ROBO2: variants seen among roughly 807,000 people sequenced by gnomAD.
The protein encoded by ROBO2 is roundabout guidance receptor 2.
In ROBO2, 53 loss-of-function variants were observed where a neutral mutation model predicts 160.8. The observed-to-expected ratio is 0.33, with a 90% CI of 0.26 to 0.41. The LOEUF is 0.41. ROBO2 is among the 10% of genes least tolerant of loss of function. The probability of loss-of-function intolerance (pLI) is 1.00; values close to 1 mark genes in which losing one functional copy is unlikely to be tolerated. For missense variants in ROBO2, 1,577 were observed against 1,722.4 expected (o/e 0.92, Z 1.49); for synonymous variants, 664 against 611.7 (o/e 1.09, Z -1.26).
intron 2 of ROBO2, among the ~76,000 whole-genome samples, chr3:76,481,814 G>T (rs1208433362): frequency 6.6e-6 from 1 of 152,096 alleles, no homozygotes; most frequent in Middle Eastern, 3.2e-3. Context: ...TGACTGGAGG[G>T]TTCAGGGGAA....
intron 2 of ROBO2, among the ~76,000 whole-genome samples, chr3:76,962,924 A>G (rs1259248396): frequency 2.6e-5 from 4 of 152,204 alleles, no homozygotes; most frequent in Admixed American, 6.6e-5. Context: ...AGTCTCCTCA[A>G]CAACGGTGTC....
intron 2 of ROBO2, among the ~76,000 whole-genome samples, chr3:76,375,153 CTG>C (rs936646575): frequency 6.2e-4 from 94 of 151,998 alleles, no homozygotes; most frequent in African/African-American, 2.0e-3. Flanking sequence ...TTCAGTAAAA[CTG>C]TGAGACTGAA....
chr3:77,360,464 A>G (rs1307177146), intron 2 of ROBO2, among the ~76,000 whole-genome samples: 1 of 152,194 alleles, frequency 6.6e-6, no homozygotes, highest in Non-Finnish European at 1.5e-5. Context: ...TTTGTCAGTC[A>G]GTATCTATTA....
intron 2 of ROBO2, among the ~76,000 whole-genome samples, chr3:76,025,299 G>A (rs981854940): frequency 1.3e-5 from 2 of 151,638 alleles, no homozygotes; most frequent in Non-Finnish European, 3.0e-5. Flanking sequence ...TTGGGAATTA[G>A]AGGGTGTTAC....
intron 2 of ROBO2, among the ~76,000 whole-genome samples, chr3:76,531,286 A>C (rs956633314): frequency 2.0e-5 from 3 of 152,170 alleles, no homozygotes; most frequent in African/African-American, 7.2e-5. Context: ...CATAGTATAG[A>C]TATTTTAGCA....
At chr3:77,415,732 G>A (rs1213839250) in intron 2 of ROBO2, among the ~76,000 whole-genome samples, 1 of 152,124 alleles carries the variant, frequency 6.6e-6, no homozygotes, top group Admixed American at 6.5e-5. Flanking sequence ...GGAACCCAGT[G>A]GCATCGGAAA....
At chr3:77,058,055 T>C (rs2065936330) in intron 1 of ROBO2, among the ~76,000 whole-genome samples, 1 of 152,184 alleles carries the variant, frequency 6.6e-6, no homozygotes, top group African/African-American at 2.4e-5. Flanking sequence ...GGTGTATGTG[T>C]TGTTTTTTTC....
At chr3:77,412,805 G>T (rs1459382452) in intron 2 of ROBO2, among the ~76,000 whole-genome samples, 1 of 152,236 alleles carries the variant, frequency 6.6e-6, no homozygotes, top group Non-Finnish European at 1.5e-5. Flanking sequence ...GTTAGCCTCT[G>T]CCCTGGGGCA....
At chr3:77,126,713 T>TATATATATATATATATA (rs564861880) in intron 2 of ROBO2, among the ~76,000 whole-genome samples, 1 of 138,750 alleles carries the variant, frequency 7.2e-6, no homozygotes. Context: ...TATATATATA[T>TATATATATATATATATA]TTTTTTTCCT....
rs58366024 is a variant in ROBO2 at position 76,781,802 on chromosome 3, A to T, written c.110-316212A>T. Among the ~76,000 whole-genome samples the T allele has an allele frequency of 2.2e-3, 336 of 150,832 alleles. 2 individuals are homozygous for T. The highest frequency in any genetic ancestry group is 7.5e-3 in the African/African-American group (310 of 41,364). The stretch of plus-strand genomic sequence containing the variant: ...GAATTTGGTTTGCTAAGATTTGGTT[A>T]AGGATTTTTGCATCTATGTACTTTT... On this transcript the variant is annotated intron_variant, in intron 2 of 26. Transcript: ENST00000487694.
rs531325795 is a variant in ROBO2 at position 77,206,923 on chromosome 3, A to G, written c.388+108583A>G. Among the ~76,000 whole-genome samples, 32 of 152,274 alleles carry G rather than the reference A, an allele frequency of 2.1e-4. 1 individual carries two copies. The East Asian group carries it at 6.0e-3, about 28-fold the overall frequency. On this transcript the variant is annotated intron_variant, in intron 2 of 25. Transcript: ENST00000461745. ...TAGACAAACAGCTCAAACCAAGGCTATGCATTATGTGGGACCAGCTCGTTA... is the reference window on the plus strand; with the variant it reads ...TAGACAAACAGCTCAAACCAAGGCTGTGCATTATGTGGGACCAGCTCGTTA...
intron 13 of ROBO2, among the ~76,000 whole-genome samples, chr3:77,572,471 C>G (rs1013608244): frequency 6.6e-6 from 1 of 151,718 alleles, no homozygotes; most frequent in Non-Finnish European, 1.5e-5. Context: ...TTGCCGATCA[C>G]CAGCTTCCAT....
chr3:76,492,386 A>G (rs565871104), intron 2 of ROBO2, among the ~76,000 whole-genome samples: 2 of 152,224 alleles, frequency 1.3e-5, no homozygotes, highest in Admixed American at 6.5e-5. Flanking sequence ...TTGACCATGC[A>G]TGTTCTCTCA....
intron 2 of ROBO2, among the ~76,000 whole-genome samples, chr3:76,017,758 A>C (rs1414669345): frequency 1.3e-5 from 2 of 152,126 alleles, no homozygotes; most frequent in Non-Finnish European, 2.9e-5. Context: ...AATGTGGAGC[A>C]AAACTATAAA....
intron 2 of ROBO2, among the ~76,000 whole-genome samples, chr3:77,176,662 G>A (rs1195010487): frequency 2.6e-5 from 4 of 151,860 alleles, no homozygotes; most frequent in Non-Finnish European, 5.9e-5. Flanking sequence ...AGCCACACAT[G>A]CTTAAACTTA....
At chr3:76,717,669 G>GT (rs1274227794) in intron 2 of ROBO2, among the ~76,000 whole-genome samples, 1 of 152,030 alleles carries the variant, frequency 6.6e-6, no homozygotes, top group Non-Finnish European at 1.5e-5. Flanking sequence ...TGAACAATAG[G>GT]TAAGAGTTTT....
At chr3:77,104,354 A>G (rs1235688476) in intron 2 of ROBO2, among the ~76,000 whole-genome samples, 1 of 152,132 alleles carries the variant, frequency 6.6e-6, no homozygotes, top group Non-Finnish European at 1.5e-5. Context: ...CTTTTCCTTA[A>G]CATTAATGTT....
chr3:75,964,995 A>G (rs1294140287), intron 2 of ROBO2: 1 of 151,574 alleles, frequency 6.6e-6, no homozygotes, highest in African/African-American at 2.4e-5. Flanking sequence ...GCTAAGTGTG[A>G]GTGGAAAAGA....
intron 1 of ROBO2, among the ~76,000 whole-genome samples, chr3:77,089,744 C>A (rs1216748646): frequency 6.6e-6 from 1 of 152,124 alleles, no homozygotes; most frequent in Non-Finnish European, 1.5e-5. Flanking sequence ...ATCTTCTCAG[C>A]ATATCCTACC....
Sources: allele counts gnomAD v4.1 joint callset (sites outside exome capture counted in the v4.1 genomes callset), GRCh38; gene constraint gnomAD v4.1.1; transcripts MANE v1.5; gene names NCBI Gene and HGNC (gene_info 2026-07-23, HGNC 2026-07-21).